Variants in ERICH3 observed in about 807,000 individuals in gnomAD.
ERICH3 encodes the protein glutamate-rich protein 3.
In ERICH3, 126 loss-of-function variants were observed where a neutral mutation model predicts 131.1. The observed-to-expected ratio is 0.96, with a 90% CI of 0.83 to 1.11. The LOEUF (loss-of-function observed/expected upper bound fraction) is 1.11, where lower values mean the gene tolerates loss of function less well. ERICH3 is among the 50% of genes most tolerant of loss of function. The probability of loss-of-function intolerance (pLI) is 0.00; values close to 1 mark genes in which losing one functional copy is unlikely to be tolerated. For synonymous variants in ERICH3, 695 were observed against 644.6 expected, an observed-to-expected ratio of 1.08 and a Z score of -1.18; for missense variants, 2,050 against 1,810.7, an observed-to-expected ratio of 1.13 and a Z score of -2.40.
upstream of ERICH3, chr1:74,673,846 G>T: frequency 3.3e-6 from 1 of 299,716 alleles, no homozygotes; most frequent in Middle Eastern, 9.5e-4. Context: ...CCTTTTTCTG[G>T]GCCCTGATAG....
chr1:74,577,084 T>A (rs926870335), intron 12 of ERICH3, 148 bp from the exon 13 acceptor site: 1 of 630,798 alleles, frequency 1.6e-6, no homozygotes, highest in African/African-American at 1.8e-5. Flanking sequence ...AGAAGACTGA[T>A]CTGAAAATTC....
chr1:74,623,203 C>T (rs1004039807), intron 7 of ERICH3: 2 of 152,226 alleles, frequency 1.3e-5, no homozygotes, highest in Non-Finnish European at 2.9e-5. Context: ...ATAACTAAAG[C>T]TCTTCTTTCT....
chr1:74,654,631 C>A (rs1646568167), intron 1 of ERICH3, among the ~76,000 whole-genome samples: 1 of 152,072 alleles, frequency 6.6e-6, no homozygotes, highest in South Asian at 2.1e-4. Context: ...TGTGTCTCTT[C>A]TTATAAGGGC....
chr1:74,589,746 C>A lies in ERICH3; in HGVS notation c.2061G>T (p.Lys687Asn). 1 of 1,614,098 alleles carries A rather than the reference C, an allele frequency of 6.2e-7. No homozygotes were observed. The highest frequency in any genetic ancestry group is 8.5e-7 in the Non-Finnish European group (1 of 1,179,980). ...CTTCTGCAGAAACATGTTTCCCGGA[C>A]TTCTCAGATAAACCCTCTGCAATCT... is the stretch of plus-strand genomic sequence containing the variant. ...TQEIAEGLSE[K>N]SGKHVSAEEK... The change falls in exon 12 of 15, where the codon AAG (lysine) becomes AAT (asparagine). Residue 687 changes from lysine to asparagine, a missense_variant. By Grantham distance (94) the Lys-to-Asn change is moderately conservative. Transcript: ENST00000326665.
rs747488834 is a variant in ERICH3 at position 74,606,837 on chromosome 1, G to A, written c.1253C>T (p.Thr418Ile). The A allele has an allele frequency of 1.2e-6, 2 of 1,612,820 alleles. No homozygotes were observed. Among genetic ancestry groups the A allele is most frequent in the Admixed American group, 3.3e-5 (2 of 59,868 alleles). ...SLPKSRKEKSTEKGEELKKAE... is the reference protein window; with the variant it reads ...SLPKSRKEKSIEKGEELKKAE... ...CTTCTTCAGTTCCTCTCCTTTCTCA[G>A]TGCTCTTTTCTTTCCTAGATTTCGG... Residue 418 changes from threonine to isoleucine, a missense_variant, in exon 10 of 15, where the codon ACT (threonine) becomes ATT (isoleucine). Transcript: ENST00000326665.
chr1:74,628,657 C>A (rs547675447), intron 7 of ERICH3, among the ~76,000 whole-genome samples: 109 of 151,730 alleles, frequency 7.2e-4, no homozygotes, highest in African/African-American at 2.5e-3. Flanking sequence ...ACACCCCTTC[C>A]CCCCATGTTA....
intron 6 of ERICH3, among the ~76,000 whole-genome samples, chr1:74,634,304 C>A (rs1646368100): frequency 6.6e-6 from 1 of 152,042 alleles, no homozygotes; most frequent in African/African-American, 2.4e-5. Flanking sequence ...AAAGCAGTAC[C>A]AAGGCCATCA....
chr1:74,668,160 G>A (rs564142106), intron 1 of ERICH3, among the ~76,000 whole-genome samples: 1 of 152,032 alleles, frequency 6.6e-6, no homozygotes, highest in South Asian at 2.1e-4. Flanking sequence ...GTAAGAATGG[G>A]CCAATAGAAT....
intron 7 of ERICH3, chr1:74,622,718 A>T (rs1185555490): frequency 1.3e-5 from 2 of 152,202 alleles, no homozygotes; most frequent in African/African-American, 4.8e-5. Context: ...GTGGGATTAG[A>T]GTCAGGGAAA....
intron 6 of ERICH3, among the ~76,000 whole-genome samples, chr1:74,635,723 A>G (rs1646383313): frequency 6.6e-6 from 1 of 152,162 alleles, no homozygotes; most frequent in Non-Finnish European, 1.5e-5. Context: ...AAAATAAGGG[A>G]AAATTATCTG....
chr1:74,619,928 C>G (rs189945921), intron 8 of ERICH3, among the ~76,000 whole-genome samples: 3 of 152,212 alleles, frequency 2.0e-5, no homozygotes, highest in Non-Finnish European at 4.4e-5. Flanking sequence ...GTAATAGTCA[C>G]TGTCTTCAAT....
chr1:74,579,933 T>C (rs975271023), intron 12 of ERICH3: 28 of 945,012 alleles, frequency 3.0e-5, no homozygotes, highest in Non-Finnish European at 3.3e-5. Context: ...TTCACTCAAA[T>C]GATATAATGA....
At chr1:74,654,841 C>T (rs985913744) in intron 1 of ERICH3, among the ~76,000 whole-genome samples, 7 of 152,084 alleles carry the variant, frequency 4.6e-5, no homozygotes, top group Admixed American at 3.9e-4. Flanking sequence ...TAACCTAAGG[C>T]TTATTCCTGC....
At chr1:74,668,881 C>A (rs1192976403) in intron 1 of ERICH3, among the ~76,000 whole-genome samples, 1 of 152,084 alleles carries the variant, frequency 6.6e-6, no homozygotes, top group Non-Finnish European at 1.5e-5. Flanking sequence ...GTCTGAAATT[C>A]TGTGTGAAAG....
chr1:74,572,922 C>T lies in ERICH3; in HGVS notation c.2788G>A (p.Glu930Lys), dbSNP rs777231952. 1.2e-6 allele frequency: 2 copies of T among 1,614,056 alleles called. No individual in the cohort carries two copies. The highest frequency in any genetic ancestry group is 1.1e-5 in the South Asian group (1 of 91,078). Residue 930 changes from glutamate to lysine, a missense_variant, in exon 14 of 15, where the codon GAG becomes AAG. Transcript: ENST00000326665. The part of the protein sequence containing the change: ...AALREAATSE[E>K]GEAEGGVAVS... ...GCCACCCCACCCTCAGCCTCTCCCT[C>T]CTCCGATGTCGCTGCCTCTCTCAGG...
intron 9 of ERICH3, among the ~76,000 whole-genome samples, chr1:74,607,534 G>T (rs1039304439): frequency 2.6e-5 from 4 of 151,878 alleles, no homozygotes; most frequent in Admixed American, 2.6e-4. Context: ...TCAGGAGTTT[G>T]TTCACTTATT....
At chr1:74,632,373 G>T (rs1297222621) in intron 6 of ERICH3, among the ~76,000 whole-genome samples, 1 of 151,752 alleles carries the variant, frequency 6.6e-6, no homozygotes, top group African/African-American at 2.4e-5. Flanking sequence ...GGCATGTACT[G>T]TTTAGCATAA....
chr1:74,606,007 T>C (rs1261956515), intron 10 of ERICH3, among the ~76,000 whole-genome samples: 1 of 129,254 alleles, frequency 7.7e-6, no homozygotes, highest in Non-Finnish European at 1.6e-5. Flanking sequence ...TGCGCGTGTG[T>C]CTGTGTGTGT....
At position 74,650,830 on chromosome 1, in the gene ERICH3, A is replaced by C. The variant is rs567454153; in HGVS notation, c.24-1515T>G. Among the ~76,000 whole-genome samples the C allele has an allele frequency of 9.4e-5, 12 of 127,354 alleles. No homozygotes were observed. In the South Asian group the frequency reaches 2.4e-3, roughly 25 times the overall value. 83.5% of individuals were successfully genotyped at this position (127,354 alleles called of 152,430 possible). ...GAAGTGAAATCACGGATAAGAGGGGACTACTGTGTGTGTGTGTGTGTGTGT... is the reference window on the plus strand; with the variant it reads ...GAAGTGAAATCACGGATAAGAGGGGCCTACTGTGTGTGTGTGTGTGTGTGT... On this transcript the variant is annotated intron_variant, in intron 1 of 14. Coordinates refer to ENST00000326665, the MANE Select transcript of ERICH3 (RefSeq NM_001002912.5).
Sources: allele counts gnomAD v4.1 joint callset (sites outside exome capture counted in the v4.1 genomes callset), GRCh38; gene constraint gnomAD v4.1.1; transcripts MANE v1.5; gene names NCBI Gene and HGNC (gene_info 2026-07-23, HGNC 2026-07-21).